Variants in LIFR observed in about 807,000 individuals in gnomAD.
LIFR encodes the protein leukemia inhibitory factor receptor.
A neutral mutation model predicts 122.2 loss-of-function variants in LIFR; 84 were observed. The observed-to-expected ratio is 0.69, with a 90% CI of 0.58 to 0.82. LIFR has a LOEUF of 0.82. LIFR is among the 40% of genes least tolerant of loss of function. The pLI is 0.00. For synonymous variants in LIFR, 422 were observed against 434.7 expected (o/e 0.97, Z 0.36); for missense variants, 1,294 against 1,311.6 (o/e 0.99, Z 0.21).
chr5:38,510,613 A>G lies in LIFR; in HGVS notation c.842T>C (p.Leu281Pro). 1 of 1,614,090 alleles carries G rather than the reference A, an allele frequency of 6.2e-7. No homozygotes were observed. Among genetic ancestry groups the G allele is most frequent in the Non-Finnish European group, 8.5e-7 (1 of 1,179,974 alleles). Residue 281 changes from leucine to proline, a missense_variant, in exon 7 of 20, where the codon CTG becomes CCG. Physicochemically the swap from Leu to Pro is moderately conservative, Grantham distance 98. Coordinates refer to ENST00000453190, the MANE Select transcript of LIFR (RefSeq NM_001127671.2). Reference sequence around the variant, plus strand: ...CAAGGGGCAGTTTGTATGGCCAATCAGTGCTGATAACACTTTTTCTTGACT... The same window carrying G: ...CAAGGGGCAGTTTGTATGGCCAATCGGTGCTGATAACACTTTTTCTTGACT... ...CVSQEKVLSA[L>P]IGHTNCPLIH...
intron 1 of LIFR, among the ~76,000 whole-genome samples, chr5:38,578,738 G>A (rs1412696828): frequency 6.6e-6 from 1 of 151,982 alleles, no homozygotes. Context: ...AATATTTTTA[G>A]TAGAGACAGG....
Position 38,527,314 on chromosome 5 carries a change from T to C in LIFR, c.258-20A>G. On this transcript the variant is annotated intron_variant, in intron 3 of 19. Transcript: ENST00000453190. Reference sequence around the variant, plus strand: ...CGGGACCTGTAATAAGAAATTGAATTTTAATTAGCAAATAAAATTAATAGT... The same window carrying C: ...CGGGACCTGTAATAAGAAATTGAATCTTAATTAGCAAATAAAATTAATAGT... 1 of 1,468,952 alleles carries C rather than the reference T, an allele frequency of 6.8e-7. No individual in the cohort carries two copies. The highest frequency in any genetic ancestry group is 9.5e-7 in the Non-Finnish European group (1 of 1,052,980). The allele number at this position is 1,468,952 out of a possible 1,614,324, so 91.0% of individuals were successfully genotyped here.
chr5:38,475,180 A>G lies in LIFR; in HGVS notation c.*6415T>C. The G allele has an allele frequency of 5.4e-6, 1 of 184,852 alleles. No homozygotes were observed. The highest frequency in any genetic ancestry group is 1.1e-5 in the Non-Finnish European group (1 of 87,180). The allele number at this position is 184,852 out of a possible 1,614,324, so 11.5% of individuals were successfully genotyped here. On this transcript the variant is annotated 3_prime_UTR_variant, in exon 20 of 20. Coordinates refer to ENST00000453190, the MANE Select transcript of LIFR (RefSeq NM_001127671.2). ...TACAGAAACTAAATTCTGAAATTAT[A>G]CAATGATATAAAGTGTCCAAATTTC...
intron 16 of LIFR, among the ~76,000 whole-genome samples, chr5:38,488,145 G>A (rs1479133246): frequency 6.6e-6 from 1 of 152,118 alleles, no homozygotes; most frequent in Non-Finnish European, 1.5e-5. Flanking sequence ...CCAAGCATGT[G>A]AGGCAAGTCA....
chr5:38,489,558 A>G (rs113394182), intron 15 of LIFR, among the ~76,000 whole-genome samples: 1 of 152,226 alleles, frequency 6.6e-6, no homozygotes, highest in Non-Finnish European at 1.5e-5. Flanking sequence ...TGTATTTCAC[A>G]TCTTTATTGA....
chr5:38,482,806 G>A, intron 18 of LIFR, 139 bp from the exon 19 acceptor site: 1 of 465,760 alleles, frequency 2.1e-6, no homozygotes, highest in South Asian at 4.4e-5. Flanking sequence ...GATCTTTAGT[G>A]TGATCATTCA....
intron 1 of LIFR, among the ~76,000 whole-genome samples, chr5:38,547,254 C>A (rs1449872174): frequency 6.6e-6 from 1 of 152,164 alleles, no homozygotes; most frequent in African/African-American, 2.4e-5. Context: ...CACAACTTGT[C>A]ACCTGCAAGT....
Position 38,528,777 on chromosome 5 carries a change from G to A in LIFR, c.206C>T (p.Ala69Val). The A allele has an allele frequency of 6.3e-7, 1 of 1,598,592 alleles. No homozygotes were observed. The highest frequency in any genetic ancestry group is 8.5e-7 in the Non-Finnish European group (1 of 1,171,290). ...AGTACCACGGCCTGTTCCAGAGGGT[G>A]CTTTCCAAGAACAGTTCCACACTTG... The part of the protein sequence containing the change: ...NLQVWNCSWK[A>V]PSGTGRGTDY... Residue 69 changes from alanine to valine, a missense_variant, in exon 3 of 20, where the codon GCA becomes GTA. Coordinates refer to ENST00000453190, the MANE Select transcript of LIFR (RefSeq NM_001127671.2).
intron 1 of LIFR, among the ~76,000 whole-genome samples, chr5:38,563,333 C>G (rs62355829): frequency 0.33 from 50,486 of 151,986 alleles, 8,511 homozygotes; most frequent in East Asian, 0.42. Flanking sequence ...TCTAACCTTA[C>G]TGGGTTTTTT....
intron 14 of LIFR, among the ~76,000 whole-genome samples, chr5:38,493,133 T>C (rs529026959): frequency 2.0e-4 from 30 of 151,818 alleles, no homozygotes; most frequent in African/African-American, 7.0e-4. Flanking sequence ...TTGTGCTCAG[T>C]CTCTCCCTAA....
chr5:38,483,160 C>A (rs1197410533), intron 18 of LIFR, among the ~76,000 whole-genome samples: 2 of 151,762 alleles, frequency 1.3e-5, no homozygotes, highest in African/African-American at 4.9e-5. Context: ...AAAGTGATAG[C>A]CACGTGTCAC....
chr5:38,560,602 G>GTTT (rs539078770), upstream of LIFR, among the ~76,000 whole-genome samples: 1 of 139,426 alleles, frequency 7.2e-6, no homozygotes, highest in South Asian at 2.3e-4. Flanking sequence ...TTTGTTTTTT[G>GTTT]TTTTTTTTTT....
upstream of LIFR, among the ~76,000 whole-genome samples, chr5:38,597,130 G>A (rs1442283770): frequency 6.6e-6 from 1 of 152,186 alleles, no homozygotes; most frequent in East Asian, 1.9e-4. Flanking sequence ...CAGACTCCCT[G>A]TAAACAGGAT....
chr5:38,575,975 T>G (rs1749370803), intron 1 of LIFR, among the ~76,000 whole-genome samples: 1 of 152,200 alleles, frequency 6.6e-6, no homozygotes, highest in South Asian at 2.1e-4. Context: ...TTTTGCATTT[T>G]GTTTGAGAAA....
upstream of LIFR, chr5:38,558,564 A>G (rs1748705929): frequency 6.6e-6 from 1 of 152,112 alleles, no homozygotes; most frequent in South Asian, 2.1e-4. Flanking sequence ...AAAAGCAAAT[A>G]CTGTGTATTA....
intron 5 of LIFR, 84 bp from the exon 6 acceptor site, chr5:38,512,048 T>G (rs1370230321): frequency 2.2e-6 from 3 of 1,343,892 alleles, no homozygotes; most frequent in Middle Eastern, 1.8e-4. Context: ...CACAATAGAT[T>G]CCATACAATC....
At chr5:38,563,629 C>G (rs998791352) in intron 1 of LIFR, among the ~76,000 whole-genome samples, 1 of 152,140 alleles carries the variant, frequency 6.6e-6, no homozygotes, top group Non-Finnish European at 1.5e-5. Flanking sequence ...CACTAGAAAA[C>G]ATTGAACATT....
chr5:38,482,863 A>G (rs1198401849), intron 18 of LIFR, among the ~76,000 whole-genome samples, 196 bp from the exon 19 acceptor site: 1 of 152,220 alleles, frequency 6.6e-6, no homozygotes, highest in Non-Finnish European at 1.5e-5. Flanking sequence ...CTTGAAAACC[A>G]TAAACAGAAT....
At chr5:38,560,901 T>G (rs78755328), upstream of LIFR, among the ~76,000 whole-genome samples, 32 of 152,288 alleles carry the variant, frequency 2.1e-4, no homozygotes, top group South Asian at 4.1e-4. Context: ...CAGCCTGTCT[T>G]TTGTTTATTT....
Sources: gnomAD v4.1 joint callset for allele counts (sites outside exome capture counted in the v4.1 genomes callset) on GRCh38, gnomAD v4.1.1 for gene constraint, MANE v1.5 for transcripts, NCBI Gene and HGNC (gene_info 2026-07-23, HGNC 2026-07-21) for gene names.